Variants in LRRC4C observed in about 807,000 individuals in gnomAD.
LRRC4C encodes leucine rich repeat containing 4C, also known as leucine-rich repeat-containing protein 4C.
A neutral mutation model predicts 33.6 loss-of-function variants in LRRC4C; 5 were observed. The observed-to-expected ratio is 0.15, with a 90% CI of 0.08 to 0.31. LRRC4C has a LOEUF of 0.31. LRRC4C is among the 10% of genes least tolerant of loss of function. LRRC4C has a pLI of 1.00. For synonymous variants in LRRC4C, 329 were observed against 302.0 expected (o/e 1.09, Z -0.93); for missense variants, 560 against 796.7 (o/e 0.70, Z 3.58).
intron 3 of LRRC4C, among the ~76,000 whole-genome samples, chr11:40,585,919 G>T (rs1314801981): frequency 7.3e-6 from 1 of 137,016 alleles, no homozygotes; most frequent in Non-Finnish European, 1.6e-5. Context: ...TGTGAATAAT[G>T]CCGCAATAAA....
At chr11:41,366,929 A>T (rs1952566077) in intron 1 of LRRC4C, among the ~76,000 whole-genome samples, 1 of 152,186 alleles carries the variant, frequency 6.6e-6, no homozygotes, top group Non-Finnish European at 1.5e-5. Context: ...AAACTAATAA[A>T]ATGCATTATG....
chr11:40,337,963 T>C (rs1236569410), intron 3 of LRRC4C, among the ~76,000 whole-genome samples: 1 of 152,168 alleles, frequency 6.6e-6, no homozygotes, highest in Non-Finnish European at 1.5e-5. Flanking sequence ...CACAATTACA[T>C]GTGGTTCCCT....
At chr11:40,153,733 A>C (rs893210429) in intron 5 of LRRC4C, among the ~76,000 whole-genome samples, 1 of 152,162 alleles carries the variant, frequency 6.6e-6, no homozygotes, top group African/African-American at 2.4e-5. Context: ...AACCCAATCC[A>C]ACAAAGATAA....
chr11:40,966,586 G>A (rs1358562952), intron 1 of LRRC4C, among the ~76,000 whole-genome samples: 7 of 151,928 alleles, frequency 4.6e-5, no homozygotes, highest in African/African-American at 1.7e-4. Flanking sequence ...CCCTATCTTA[G>A]CATAGGTATG....
intron 4 of LRRC4C, among the ~76,000 whole-genome samples, chr11:40,308,795 C>A (rs1197717540): frequency 6.6e-6 from 1 of 152,124 alleles, no homozygotes; most frequent in African/African-American, 2.4e-5. Context: ...GGAAGTAGAG[C>A]TATGAGATTA....
intron 3 of LRRC4C, among the ~76,000 whole-genome samples, chr11:40,544,104 TA>T (rs1324334875): frequency 3.3e-5 from 5 of 152,178 alleles, no homozygotes; most frequent in African/African-American, 1.2e-4. Context: ...AAATAGATTT[TA>T]AAAACATCTA....
At chr11:41,311,456 G>A (rs1331878907) in intron 1 of LRRC4C, among the ~76,000 whole-genome samples, 3 of 152,080 alleles carry the variant, frequency 2.0e-5, no homozygotes, top group Non-Finnish European at 4.4e-5. Context: ...GATAGTTAAT[G>A]TGTTTAGTTA....
intron 1 of LRRC4C, among the ~76,000 whole-genome samples, chr11:41,312,312 C>T (rs1355406954): frequency 6.6e-6 from 1 of 152,144 alleles, no homozygotes; most frequent in Non-Finnish European, 1.5e-5. Flanking sequence ...TCTCACTGCT[C>T]CTGAGACTTT....
chr11:41,118,541 TG>T (rs1942258300), intron 1 of LRRC4C, among the ~76,000 whole-genome samples: 1 of 152,214 alleles, frequency 6.6e-6, no homozygotes, highest in Non-Finnish European at 1.5e-5. Context: ...TCACATTTAA[TG>T]TATCTCTATC....
intron 3 of LRRC4C, among the ~76,000 whole-genome samples, chr11:40,599,718 G>A (rs1288664970): frequency 6.6e-6 from 1 of 151,992 alleles, no homozygotes; most frequent in African/African-American, 2.4e-5. Flanking sequence ...AATATTTGTT[G>A]GAATAATAAA....
intron 1 of LRRC4C, among the ~76,000 whole-genome samples, chr11:41,227,442 A>G (rs1233156975): frequency 6.6e-6 from 1 of 152,128 alleles, no homozygotes; most frequent in Non-Finnish European, 1.5e-5. Context: ...ACAGAAATAT[A>G]CCAAACGGTT....
rs528346553 is a variant in LRRC4C at position 40,336,152 on chromosome 11, C to T, written c.-269-16431G>A. Reference sequence around the variant, plus strand: ...ATATAATAGCAGTCAAAACAAAATCCCTGCCTGCATGAAATTTACCTTCTA... The same window carrying T: ...ATATAATAGCAGTCAAAACAAAATCTCTGCCTGCATGAAATTTACCTTCTA... On this transcript the variant is annotated intron_variant, in intron 3 of 6. Coordinates refer to ENST00000528697, the MANE Select transcript of LRRC4C (RefSeq NM_001258419.2). 3.3e-5 allele frequency among the ~76,000 whole-genome samples: 5 copies of T among 152,076 alleles called. No individual in the cohort carries two copies. The South Asian group carries it at 8.3e-4, about 25-fold the overall frequency.
Position 40,610,476 on chromosome 11 carries a change from G to T in LRRC4C, c.-270+37666C>A, listed in dbSNP as rs1229023298. ...CTGAGATTACAAACAAGGCAAGTATGCCCACTCTCACCACATCTATTAAAC... is the reference window on the plus strand; with the variant it reads ...CTGAGATTACAAACAAGGCAAGTATTCCCACTCTCACCACATCTATTAAAC... On this transcript the variant is annotated intron_variant, in intron 3 of 6. Coordinates refer to ENST00000528697, the MANE Select transcript of LRRC4C (RefSeq NM_001258419.2). Among the ~76,000 whole-genome samples, 3 of 151,686 alleles carry T rather than the reference G, an allele frequency of 2.0e-5. No individual in the cohort carries two copies. In the East Asian group the frequency reaches 5.8e-4, roughly 29 times the overall value.
intron 2 of LRRC4C, among the ~76,000 whole-genome samples, chr11:40,777,412 G>T (rs958074063): frequency 6.6e-6 from 1 of 151,362 alleles, no homozygotes; most frequent in Non-Finnish European, 1.5e-5. Context: ...TCTAATTTGG[G>T]GTGTGTATAT....
intron 2 of LRRC4C, among the ~76,000 whole-genome samples, chr11:40,731,363 C>T (rs1947576245): frequency 1.3e-5 from 2 of 151,894 alleles, no homozygotes; most frequent in Non-Finnish European, 1.5e-5. Flanking sequence ...CCTCCTCTCC[C>T]CACCGCCCCT....
At chr11:40,587,778 G>T (rs1348864167) in intron 3 of LRRC4C, among the ~76,000 whole-genome samples, 7 of 151,088 alleles carry the variant, frequency 4.6e-5, no homozygotes, top group East Asian at 2.0e-4. Context: ...TGGATTACAT[G>T]TATTGATTTG....
chr11:40,716,530 C>T (rs909706532), intron 2 of LRRC4C, among the ~76,000 whole-genome samples: 4 of 152,002 alleles, frequency 2.6e-5, no homozygotes, highest in Non-Finnish European at 5.9e-5. Flanking sequence ...CAAATATTTG[C>T]TATGTGCTGA....
At chr11:40,558,038 A>G (rs1323504811) in intron 3 of LRRC4C, among the ~76,000 whole-genome samples, 1 of 152,174 alleles carries the variant, frequency 6.6e-6, no homozygotes, top group African/African-American at 2.4e-5. Flanking sequence ...TGTAAAAATA[A>G]TTCACTTTGT....
At chr11:40,183,307 GC>G (rs1422541064) in intron 5 of LRRC4C, among the ~76,000 whole-genome samples, 5 of 152,114 alleles carry the variant, frequency 3.3e-5, no homozygotes, top group African/African-American at 1.2e-4. Context: ...TCATTTGAGT[GC>G]TTTTTCCTTT....
Sources: gnomAD v4.1 joint callset for allele counts (sites outside exome capture counted in the v4.1 genomes callset) on GRCh38, gnomAD v4.1.1 for gene constraint, MANE v1.5 for transcripts, NCBI Gene and HGNC (gene_info 2026-07-23, HGNC 2026-07-21) for gene names.